The following SRRM2 variants were observed in gnomAD, a reference collection of about 807,000 sequenced individuals.
The protein encoded by SRRM2 is serine/arginine repetitive matrix protein 2.
SRRM2 carries 30 observed loss-of-function variants against 213.8 expected under a neutral mutation model. The observed-to-expected ratio is 0.14, with a 90% CI of 0.10 to 0.19. The LOEUF (loss-of-function observed/expected upper bound fraction) is 0.19. SRRM2 is among the 10% of genes least tolerant of loss of function. The probability of loss-of-function intolerance (pLI) is 1.00; values close to 1 mark genes in which losing one functional copy is unlikely to be tolerated. For synonymous variants in SRRM2, 2,025 were observed against 1,377.7 expected (o/e 1.47, Z -10.40); for missense variants, 4,904 against 3,647.0 (o/e 1.34, Z -8.88).
intron 8 of SRRM2, 65 bp downstream of exon 8, chr16:2,759,467 G>C: frequency 1.3e-6 from 2 of 1,597,538 alleles, no homozygotes; most frequent in African/African-American, 1.3e-5. Flanking sequence ...GGAGGGAGTT[G>C]AATGAGTTAT....
At chr16:2,753,658 C>T (rs2068028331) in intron 1 of SRRM2, 1 of 152,188 alleles carries the variant, frequency 6.6e-6, no homozygotes, top group South Asian at 2.1e-4. Flanking sequence ...TGGTTTCAGG[C>T]GTTCTTTGGC....
Position 2,759,661 on chromosome 16 carries a change from G to T in SRRM2, c.833G>T (p.Arg278Leu), listed in dbSNP as rs1252788547. 1.2e-6 allele frequency: 2 copies of T among 1,613,352 alleles called. No individual in the cohort carries two copies. Among genetic ancestry groups the T allele is most frequent in the Admixed American group, 3.3e-5 (2 of 60,012 alleles). ...SASSSDTSRS[R>L]SRSAAAKTHT... ...TCCTCCTCCGATACTTCCCGCAGTC[G>T]GTAAGGGGTAGTCCAGGAGGAAGGG... is the stretch of plus-strand genomic sequence containing the variant. The change falls in exon 9 of 15, where the codon CGG (arginine) becomes CTG (leucine). Residue 278 changes from arginine to leucine, a missense_variant and splice_region_variant. Arg to Leu is a moderately radical substitution (Grantham distance 102, BLOSUM62 -2). Transcript: ENST00000301740.
chr16:2,759,688 G>T, intron 9 of SRRM2, 27 bp downstream of exon 9: 1 of 1,592,690 alleles, frequency 6.3e-7, no homozygotes. Context: ...GAGGAAGGGA[G>T]GGAGAGGGAA....
chr16:2,758,959 G>A (rs2068243129), intron 5 of SRRM2, 26 bp from the exon 6 acceptor site: 1 of 1,613,740 alleles, frequency 6.2e-7, no homozygotes, highest in East Asian at 2.2e-5. Flanking sequence ...CAAGCAGGAT[G>A]AGCTTGCTTT....
chr16:2,753,150 A>G (rs905385770), intron 1 of SRRM2, among the ~76,000 whole-genome samples: 2 of 147,436 alleles, frequency 1.4e-5, no homozygotes, highest in African/African-American at 5.0e-5. Context: ...CCTCCCCCCA[A>G]CATGTGCCGC....
rs140949496 is a variant in SRRM2, at chr16:2,765,305, C to A, written c.4777C>A (p.Pro1593Thr). 1 of 1,614,020 alleles carries A rather than the reference C, an allele frequency of 6.2e-7. No homozygotes were observed. The highest frequency in any genetic ancestry group is 8.5e-7 in the Non-Finnish European group (1 of 1,180,036). The change falls in exon 11 of 15, where the codon CCT becomes ACT. Residue 1593 changes from proline (P) to threonine (T), a missense_variant. Pro to Thr is a conservative substitution (Grantham distance 38). Transcript: ENST00000301740. The part of the protein sequence containing the change: ...PEVDSKSRLS[P>T]RRSRSGSSPE... ...GGTTGACAGCAAATCTCGACTATCC[C>A]CTCGGCGCAGTAGGTCTGGTTCCTC...
chr16:2,769,322 G>A, intron 12 of SRRM2, 38 bp downstream of exon 12: 3 of 1,528,630 alleles, frequency 2.0e-6, no homozygotes, highest in South Asian at 1.3e-5. Context: ...GGTGGGTGGG[G>A]GAGTGACTTG....
At chr16:2,753,485 C>G (rs368193490) in intron 1 of SRRM2, 2 of 152,140 alleles carry the variant, frequency 1.3e-5, no homozygotes, top group African/African-American at 2.4e-5. Context: ...ATCTTAAAAA[C>G]TGTGAAGAAA....
rs145393626 is a variant in SRRM2, at chr16:2,767,453, C to T, written c.6925C>T (p.Leu2309=). 1.9e-6 allele frequency: 3 copies of T among 1,614,246 alleles called. No homozygotes were observed. The highest frequency in any genetic ancestry group is 2.5e-6 in the Non-Finnish European group (3 of 1,180,036). The change falls in exon 11 of 15, where the codon CTG becomes TTG. Residue 2309 remains leucine, a synonymous_variant. Coordinates refer to ENST00000301740, the MANE Select transcript of SRRM2 (RefSeq NM_016333.4). Reference sequence around the variant, plus strand: ...CAGAACCCCAGCTGCCTTGGCAGCTCTGAGTCTCACAGGCTCTGGCACACC... The same window carrying T: ...CAGAACCCCAGCTGCCTTGGCAGCTTTGAGTCTCACAGGCTCTGGCACACC... The part of the protein sequence containing the change: ...GARTPAALAA[L]SLTGSGTPPT...
At chr16:2,759,507 C>T (rs183454041) in intron 8 of SRRM2, 62 bp from the exon 9 acceptor site, 47 of 1,601,948 alleles carry the variant, frequency 2.9e-5, no homozygotes, top group African/African-American at 2.1e-4. Context: ...TTGAGGGATA[C>T]GTGAGGAGAA....
rs896312622 is a variant in SRRM2, at chr16:2,765,398, C to A, written c.4870C>A (p.Pro1624Thr). The A allele has an allele frequency of 6.2e-7, 1 of 1,614,174 alleles. No homozygotes were observed. Among genetic ancestry groups the A allele is most frequent in the Non-Finnish European group, 8.5e-7 (1 of 1,180,026 alleles). The part of the protein sequence containing the change: ...AQSGSDSSPE[P>T]KAPAPRALPR... ...GAGTGGTTCTGATTCCTCTCCTGAA[C>A]CTAAAGCTCCAGCCCCTCGGGCCCT... The change falls in exon 11 of 15, where the codon CCT becomes ACT. Residue 1624 changes from proline (P) to threonine (T), a missense_variant. By Grantham distance (38) the Pro-to-Thr change is conservative. Coordinates refer to ENST00000301740, the MANE Select transcript of SRRM2 (RefSeq NM_016333.4).
In SRRM2 at chr16:2,761,662, A is replaced by G; in HGVS notation, c.1134A>G (p.Pro378=). The stretch of plus-strand genomic sequence containing the variant: ...TTGCTGAGCGACATGGCGGCTCCCC[A>G]CAACCCCTTGCAACCACCCCCTTAA... The part of the protein sequence containing the change: ...PLLAERHGGS[P]QPLATTPLSQ... The change falls in exon 11 of 15, where the codon CCA becomes CCG. Residue 378 remains proline (P), a synonymous_variant. Coordinates refer to ENST00000301740, the MANE Select transcript of SRRM2 (RefSeq NM_016333.4). 2 of 1,591,270 alleles carry G rather than the reference A, an allele frequency of 1.3e-6. No homozygotes were observed. The highest frequency in any genetic ancestry group is 1.4e-5 in the African/African-American group (1 of 74,000).
In SRRM2 at chr16:2,758,480, G is replaced by C; in HGVS notation, c.526G>C (p.Glu176Gln). ...TTCATTTTTCCCTAGCCTTGTTCGG[G>C]AGTCTAGCAGTTCTCGCTCACCAAC... ...EPPKPYSLVR[E>Q]SSSSRSPTPK... The change falls in exon 5 of 15, where the codon GAG (glutamate) becomes CAG (glutamine). Residue 176 changes from glutamate (E) to glutamine (Q), a missense_variant. Transcript: ENST00000301740. 1 of 1,613,984 alleles carries C rather than the reference G, an allele frequency of 6.2e-7. No individual in the cohort carries two copies. Among genetic ancestry groups the C allele is most frequent in the Non-Finnish European group, 8.5e-7 (1 of 1,179,944 alleles).
chr16:2,763,197 G>A lies in SRRM2; in HGVS notation c.2669G>A (p.Ser890Asn), dbSNP rs1489007992. ...AAATCTAGGACCCCTTCTAGACATA[G>A]CTGCTCAGGGTCCTCTCCTCCTAGA... ...ELKSRTPSRH[S>N]CSGSSPPRVK... The change falls in exon 11 of 15, where the codon AGC becomes AAC. Residue 890 changes from serine to asparagine, a missense_variant. Transcript: ENST00000301740. The A allele has an allele frequency of 1.9e-6, 3 of 1,613,874 alleles. No homozygotes were observed. The Admixed American group carries it at 5.0e-5, about 27-fold the overall frequency.
rs766640520 is a variant in SRRM2, at chr16:2,759,101, A to G, written c.657-39A>G. 77 of 1,614,076 alleles carry G rather than the reference A, an allele frequency of 4.8e-5. No homozygotes were observed. In the East Asian group the frequency reaches 1.6e-3, roughly 33 times the overall value. On this transcript the variant is annotated intron_variant, in intron 6 of 14. Transcript: ENST00000301740. ...GAGAAGGTTTGCTGAATTCAGGCAG[A>G]GGTGTTTCTTATGTTTTTTCTTCTC...
chr16:2,758,640 G>C, intron 5 of SRRM2, 93 bp downstream of exon 5: 1 of 1,256,504 alleles, frequency 8.0e-7, no homozygotes. Context: ...CTTCCACAAA[G>C]CAGGAGATAG....
rs114001057 is a variant in SRRM2 at position 2,759,838 on chromosome 16, T to C, written c.833+177T>C. On this transcript the variant is annotated intron_variant, in intron 9 of 14. Transcript: ENST00000301740. ...GATGGACAGACATATACATTTCCCC[T>C]TCTCTTTTTTTTTTTGTTTTTGTTT... 2,177 of 591,582 alleles carry C rather than the reference T, an allele frequency of 3.7e-3. 25 individuals carry two copies. Among genetic ancestry groups the C allele is most frequent in the African/African-American group, 0.028 (1,501 of 53,292 alleles). The allele number at this position is 591,582 out of a possible 1,614,324, so 36.6% of individuals were successfully genotyped here.
intron 12 of SRRM2, 128 bp downstream of exon 12, chr16:2,769,412 G>A: frequency 9.3e-7 from 1 of 1,073,310 alleles, no homozygotes; most frequent in Non-Finnish European, 1.3e-6. Flanking sequence ...GGGGGAGGAG[G>A]CACTTGCTCT....
Position 2,765,497 on chromosome 16 carries a change from T to G in SRRM2, c.4969T>G (p.Ser1657Ala). 2 of 1,613,974 alleles carry G rather than the reference T, an allele frequency of 1.2e-6. No individual in the cohort carries two copies. The highest frequency in any genetic ancestry group is 1.1e-5 in the South Asian group (1 of 91,068). Residue 1657 changes from serine to alanine, a missense_variant, in exon 11 of 15, where the codon TCC becomes GCC. Physicochemically the swap from Ser to Ala is moderately conservative, Grantham distance 99. Transcript: ENST00000301740. The stretch of plus-strand genomic sequence containing the variant: ...TCCTGAAGGAAGCAGCAGTACCGAG[T>G]CCTCTCCTGAACATCCGCCCAAATC... ...PSPEGSSSTE[S>A]SPEHPPKSRT...
Sources: gnomAD v4.1 joint callset for allele counts (sites outside exome capture counted in the v4.1 genomes callset) on GRCh38, gnomAD v4.1.1 for gene constraint, MANE v1.5 for transcripts, NCBI Gene and HGNC (gene_info 2026-07-23, HGNC 2026-07-21) for gene names.